The following OR2L13 variants were observed in gnomAD, a reference collection of about 807,000 sequenced individuals.
OR2L13 encodes the protein olfactory receptor 2L13.
Under a neutral mutation model 15.3 loss-of-function variants are expected in OR2L13, and 14 were observed. The observed-to-expected ratio is 0.91, with a 90% CI of 0.60 to 1.43. The LOEUF is 1.43. Among genes scored for constraint, OR2L13 ranks in the 40% most tolerant of loss-of-function variants. OR2L13 has a pLI of 0.00. For synonymous variants in OR2L13, 152 were observed against 142.9 expected, an observed-to-expected ratio of 1.06 and a Z score of -0.45; for missense variants, 367 against 387.9, an observed-to-expected ratio of 0.95 and a Z score of 0.45.
the OR2L13 span, among the ~76,000 whole-genome samples, chr1:247,947,869 T>G: frequency 6.6e-6 from 1 of 152,184 alleles, no homozygotes; most frequent in Non-Finnish European, 1.5e-5. Flanking sequence ...CAAAGATCAT[T>G]CAAGTTTCTC....
At chr1:247,948,819 T>A in the OR2L13 span, 1 of 1,522,786 alleles carries the variant, frequency 6.6e-7, no homozygotes, top group Non-Finnish European at 8.9e-7. Flanking sequence ...CGTAAATTAC[T>A]CTTGTGTCTC....
chr1:248,060,735 A>T, the OR2L13 span: 1 of 1,613,966 alleles, frequency 6.2e-7, no homozygotes, highest in African/African-American at 1.3e-5. Flanking sequence ...GATTCTTCCC[A>T]CCATCAAGAA....
chr1:248,082,580 A>G, the OR2L13 span, among the ~76,000 whole-genome samples: 2 of 152,326 alleles, frequency 1.3e-5, no homozygotes, highest in African/African-American at 2.4e-5. Context: ...ACTCTCTAAG[A>G]CAATGTGATA....
chr1:248,077,745 T>C, the OR2L13 span, among the ~76,000 whole-genome samples: 4 of 152,090 alleles, frequency 2.6e-5, no homozygotes, highest in Admixed American at 6.5e-5. Flanking sequence ...TAGAAGAAAA[T>C]ATTTGCCAAT....
chr1:248,055,694 T>C, the OR2L13 span: 1 of 152,352 alleles, frequency 6.6e-6, no homozygotes, highest in Non-Finnish European at 1.5e-5. Context: ...GAGGCGAAGG[T>C]CGCAGTGAGC....
At chr1:248,024,965 G>A in the OR2L13 span, among the ~76,000 whole-genome samples, 1 of 152,080 alleles carries the variant, frequency 6.6e-6, no homozygotes, top group Non-Finnish European at 1.5e-5. Context: ...TAGCTTGATG[G>A]GGTTGGCATT....
the OR2L13 span, among the ~76,000 whole-genome samples, chr1:247,957,056 A>G: frequency 1.3e-5 from 2 of 152,216 alleles, no homozygotes; most frequent in African/African-American, 4.8e-5. Context: ...GTTTTTGCCC[A>G]TTCAATATGA....
At chr1:248,026,865 A>C in the OR2L13 span, among the ~76,000 whole-genome samples, 1 of 152,132 alleles carries the variant, frequency 6.6e-6, no homozygotes, top group African/African-American at 2.4e-5. Context: ...ATGTCACCTC[A>C]GGACCCTGTG....
chr1:247,991,170 A>C, the OR2L13 span: 1 of 1,605,260 alleles, frequency 6.2e-7, no homozygotes, highest in East Asian at 2.2e-5. Flanking sequence ...GGGCCCTGAC[A>C]CGAGTGATTC....
At chr1:247,937,974 CAT>C in the OR2L13 span, among the ~76,000 whole-genome samples, 1 of 152,000 alleles carries the variant, frequency 6.6e-6, no homozygotes, top group African/African-American at 2.4e-5. Context: ...GACATCATAA[CAT>C]ATTGTAGGCA....
chr1:247,972,513 G>T, the OR2L13 span, among the ~76,000 whole-genome samples: 1 of 152,080 alleles, frequency 6.6e-6, no homozygotes, highest in Non-Finnish European at 1.5e-5. Context: ...TAGAAAACCC[G>T]GAAGAAATGG....
At chr1:248,099,663 T>C (rs1343763818) in exon 3 of OR2L13, 7 of 1,614,044 alleles carry the variant, frequency 4.3e-6, no homozygotes, top group Non-Finnish European at 5.9e-6. Context: ...TCCTGGGATG[T>C]GGTGTGCAAA....
chr1:248,100,398 A>G (rs774350738), exon 3 of OR2L13: 1 of 631,236 alleles, frequency 1.6e-6, no homozygotes, highest in Non-Finnish European at 2.6e-6. Flanking sequence ...ATAGAAATAC[A>G]ACATAATTTA....
the OR2L13 span, among the ~76,000 whole-genome samples, chr1:247,972,540 A>T: frequency 6.6e-6 from 1 of 152,218 alleles, no homozygotes; most frequent in East Asian, 1.9e-4. Context: ...TCCTGGACAC[A>T]TACACTCTCT....
chr1:248,009,387 A>G, the OR2L13 span, among the ~76,000 whole-genome samples: 1 of 152,184 alleles, frequency 6.6e-6, no homozygotes, highest in Non-Finnish European at 1.5e-5. Flanking sequence ...AGAGAATACT[A>G]TAAAGACCTC....
chr1:247,964,551 T>A, the OR2L13 span, among the ~76,000 whole-genome samples: 2 of 152,152 alleles, frequency 1.3e-5, no homozygotes, highest in Non-Finnish European at 2.9e-5. Context: ...AGTTTCACAA[T>A]TCTGGTATAT....
At chr1:247,941,253 T>C in the OR2L13 span, among the ~76,000 whole-genome samples, 2 of 152,158 alleles carry the variant, frequency 1.3e-5, no homozygotes, top group Admixed American at 6.5e-5. Flanking sequence ...TTCATTTAGT[T>C]AGGTCCTGCT....
At chr1:248,083,549 C>T in the OR2L13 span, 9 of 952,794 alleles carry the variant, frequency 9.4e-6, no homozygotes, top group East Asian at 2.2e-4. Context: ...ACTTAATTTT[C>T]TGTTCATGAA....
chr1:247,962,062 T>G, the OR2L13 span, among the ~76,000 whole-genome samples: 1 of 152,198 alleles, frequency 6.6e-6, no homozygotes, highest in African/African-American at 2.4e-5. Context: ...TTCCAGATTT[T>G]CAGAATGGAG....
Sources: allele counts gnomAD v4.1 joint callset (sites outside exome capture counted in the v4.1 genomes callset), GRCh38; gene constraint gnomAD v4.1.1; transcripts MANE v1.5; gene names NCBI Gene and HGNC (gene_info 2026-07-23, HGNC 2026-07-21).